NCAN: variants seen among roughly 807,000 people sequenced by gnomAD.
The protein encoded by NCAN is neurocan.
NCAN carries 47 observed loss-of-function variants against 121.8 expected under a neutral mutation model. That is an observed-to-expected ratio of 0.39 (90% confidence interval 0.31 to 0.49). The LOEUF is 0.49. NCAN is among the 20% of genes least tolerant of loss of function. The pLI, the probability that NCAN is intolerant of heterozygous loss-of-function variation, is 0.92. For missense variants in NCAN, 1,517 were observed against 1,773.4 expected, an observed-to-expected ratio of 0.86 and a Z score of 2.60; for synonymous variants, 633 against 702.0, an observed-to-expected ratio of 0.90 and a Z score of 1.55.
intron 13 of NCAN, 84 bp from the exon 14 acceptor site, chr19:19,248,616 C>G (rs2060934557): frequency 3.5e-6 from 5 of 1,423,306 alleles, no homozygotes; most frequent in Non-Finnish European, 3.9e-6. Context: ...CAGAGCGAAA[C>G]TCTGTCTCAA....
chr19:19,240,754 C>T (rs1359897529), intron 12 of NCAN, 69 bp downstream of exon 12: 2 of 1,511,938 alleles, frequency 1.3e-6, no homozygotes, highest in African/African-American at 2.7e-5. Context: ...CTCAGTTTAC[C>T]CTTTTGTGCA....
intron 1 of NCAN, among the ~76,000 whole-genome samples, chr19:19,216,428 C>T (rs1052751760): frequency 8.5e-5 from 13 of 152,060 alleles, no homozygotes; most frequent in African/African-American, 3.1e-4. Flanking sequence ...TCTCCTGCCT[C>T]AGCCTCCTGA....
chr19:19,236,753 G>T (rs2146550781), intron 10 of NCAN, among the ~76,000 whole-genome samples: 1 of 149,040 alleles, frequency 6.7e-6, no homozygotes, highest in Admixed American at 6.7e-5. Flanking sequence ...TTTGAAACAG[G>T]TTCTCACTCT....
chr19:19,225,353 G>GGA lies in NCAN; in HGVS notation c.1072+88_1072+89dup. ...TCCCTGAAAGCCTCGCCAAGCCAAG[G>GGA]GAGAGACACATGGAAGCTCGCTTTG... On this transcript the variant is annotated intron_variant, in intron 6 of 14. Coordinates refer to ENST00000252575, the MANE Select transcript of NCAN (RefSeq NM_004386.3). The surrounding 1 kb of genome is among the most constrained non-coding windows in gnomAD (Gnocchi z 4.0). 1 of 1,403,968 alleles carries GGA rather than the reference G, an allele frequency of 7.1e-7. No individual in the cohort carries two copies. The highest frequency in any genetic ancestry group is 2.9e-5 in the East Asian group (1 of 34,808). 87.0% of individuals were successfully genotyped at this position (1,403,968 alleles called of 1,614,324 possible).
At chr19:19,242,712 A>C (rs2060908372) in intron 12 of NCAN, among the ~76,000 whole-genome samples, 1 of 152,120 alleles carries the variant, frequency 6.6e-6, no homozygotes, top group Non-Finnish European at 1.5e-5. Context: ...ACAAACAAAA[A>C]CTTGTACATG....
In NCAN at chr19:19,218,200, C is replaced by T. The variant is rs183852119; in HGVS notation, c.74-715C>T. Among the ~76,000 whole-genome samples, 300 of 151,782 alleles carry T rather than the reference C, an allele frequency of 2.0e-3. 1 individual carries two copies. Among genetic ancestry groups the T allele is most frequent in the African/African-American group, 6.9e-3 (285 of 41,392 alleles). ...GGCTGAGGCAGGAGAATTGCTTGAACTTAGGAGGCAGAGGTTGCAGTGAGC... is the reference window on the plus strand; with the variant it reads ...GGCTGAGGCAGGAGAATTGCTTGAATTTAGGAGGCAGAGGTTGCAGTGAGC... On this transcript the variant is annotated intron_variant, in intron 2 of 14. Coordinates refer to ENST00000252575, the MANE Select transcript of NCAN (RefSeq NM_004386.3).
At chr19:19,231,228 A>G (rs542105904) in intron 8 of NCAN, among the ~76,000 whole-genome samples, 2 of 152,024 alleles carry the variant, frequency 1.3e-5, no homozygotes, top group East Asian at 3.9e-4. Flanking sequence ...TACTTTGCAG[A>G]TAGGGAGACA....
At chr19:19,224,492 TCCC>T in intron 5 of NCAN, 59 bp downstream of exon 5, 1 of 1,573,712 alleles carries the variant, frequency 6.4e-7, no homozygotes, top group Non-Finnish European at 8.6e-7. Flanking sequence ...TCTATTATTC[TCCC>T]CAACTCCCAT....
In NCAN at chr19:19,225,347, G is replaced by A; in HGVS notation, c.1072+77G>A. 1 of 1,417,326 alleles carries A rather than the reference G, an allele frequency of 7.1e-7. No homozygotes were observed. The allele number at this position is 1,417,326 out of a possible 1,614,324, so 87.8% of individuals were successfully genotyped here. On this transcript the variant is annotated intron_variant, in intron 6 of 14. Coordinates refer to ENST00000252575, the MANE Select transcript of NCAN (RefSeq NM_004386.3). The surrounding 1 kb of genome is among the most constrained non-coding windows in gnomAD (Gnocchi z 4.0). The stretch of plus-strand genomic sequence containing the variant: ...GCCACGTCCCTGAAAGCCTCGCCAA[G>A]CCAAGGGAGAGACACATGGAAGCTC...
chr19:19,225,280 T>TAG lies in NCAN; in HGVS notation c.1072+10_1072+11insAG, dbSNP rs1378254608. On this transcript the variant is annotated intron_variant, in intron 6 of 14. Transcript: ENST00000252575. This position sits in a 1 kb window ranked among gnomAD's most constrained non-coding sequence, Gnocchi z 4.0. ...GCCTACTGCTTCCGAGGTGCGTGCGTCCCCTGGTGGCCGCGCCCCCAGGGC... is the reference window on the plus strand; with the variant it reads ...GCCTACTGCTTCCGAGGTGCGTGCGTAGCCCCTGGTGGCCGCGCCCCCAGGGC... 98 of 1,513,856 alleles carry TAG rather than the reference T, an allele frequency of 6.5e-5. 1 individual carries two copies. The East Asian group carries it at 2.5e-3, about 38-fold the overall frequency. 93.8% of individuals were successfully genotyped at this position (1,513,856 alleles called of 1,614,324 possible).
At position 19,240,647 on chromosome 19, in the gene NCAN, G is replaced by T; in HGVS notation, c.3454G>T (p.Val1152Leu). 1 of 1,614,078 alleles carries T rather than the reference G, an allele frequency of 6.2e-7. No homozygotes were observed. Among genetic ancestry groups the T allele is most frequent in the Non-Finnish European group, 8.5e-7 (1 of 1,180,036 alleles). ...NTWIGLNDRI[V>L]ERDFQWTDNT... is the part of the protein sequence containing the mutation. ...GTGGATCGGCCTGAACGACAGGATC[G>T]TGGAGAGAGATTTCCAGTGGACGGA... is the stretch of plus-strand genomic sequence containing the variant. The change falls in exon 12 of 15, where the codon GTG (valine) becomes TTG (leucine). Residue 1152 changes from valine (V) to leucine (L), a missense_variant. Physicochemically the swap from Val to Leu is conservative, Grantham distance 32. Transcript: ENST00000252575.
chr19:19,244,926 G>C (rs918603405), intron 12 of NCAN, among the ~76,000 whole-genome samples: 7 of 151,686 alleles, frequency 4.6e-5, no homozygotes, highest in Admixed American at 1.3e-4. Flanking sequence ...TGACCAGGCT[G>C]GTCTTGAACT....
At chr19:19,218,812 T>C (rs1344445286) in intron 2 of NCAN, 103 bp from the exon 3 acceptor site, 1 of 1,228,962 alleles carries the variant, frequency 8.1e-7, no homozygotes, top group African/African-American at 1.6e-5. Context: ...AGGTTCAAAT[T>C]CTGGCTCAGC....
In NCAN at chr19:19,213,624, G is replaced by A. The variant is rs192299970; in HGVS notation, c.-8+1560G>A. Reference sequence around the variant, plus strand: ...TGTCACTGTGAATCTGTGTGAGTGTGTGTTTCCCCAGGGTCTGTGTCTGGG... The same window carrying A: ...TGTCACTGTGAATCTGTGTGAGTGTATGTTTCCCCAGGGTCTGTGTCTGGG... On this transcript the variant is annotated intron_variant, in intron 1 of 14. Transcript: ENST00000252575. Among the ~76,000 whole-genome samples, 992 of 152,102 alleles carry A rather than the reference G, an allele frequency of 6.5e-3. 50 individuals carry two copies. Among genetic ancestry groups the A allele is most frequent in the Admixed American group, 0.058 (886 of 15,260 alleles).
chr19:19,237,456 T>C (rs1457560396), intron 10 of NCAN, among the ~76,000 whole-genome samples: 1 of 149,420 alleles, frequency 6.7e-6, no homozygotes, highest in Non-Finnish European at 1.5e-5. Flanking sequence ...ACCATTACAC[T>C]CCAGCCTGGG....
chr19:19,250,086 A>G lies in NCAN; in HGVS notation c.*175A>G. 1 of 778,082 alleles carries G rather than the reference A, an allele frequency of 1.3e-6. No individual in the cohort carries two copies. The highest frequency in any genetic ancestry group is 2.7e-5 in the East Asian group (1 of 37,154). 48.2% of individuals were successfully genotyped at this position (778,082 alleles called of 1,614,324 possible). A position where few individuals can be genotyped will look rare whatever the true frequency, so the allele number is the denominator to read the frequency against. On this transcript the variant is annotated 3_prime_UTR_variant, in exon 15 of 15. Transcript: ENST00000252575. ...TCCTCTTTTCCCTTTTTTTACATAC[A>G]CAAGATCCTCTTGGCAGGTGGAGCC...
intron 8 of NCAN, among the ~76,000 whole-genome samples, chr19:19,231,617 C>T (rs935776515): frequency 1.3e-5 from 2 of 152,056 alleles, no homozygotes; most frequent in African/African-American, 2.4e-5. Context: ...CGTGAGCCAC[C>T]GCACCTGGCC....
rs369767888 is a variant in NCAN at position 19,228,257 on chromosome 19, G to A, written c.2637G>A (p.Gly879=). The A allele has an allele frequency of 2.9e-5, 47 of 1,613,830 alleles. No individual in the cohort carries two copies. Among genetic ancestry groups the A allele is most frequent in the Non-Finnish European group, 4.0e-5 (47 of 1,180,034 alleles). Residue 879 remains glycine, a synonymous_variant, in exon 8 of 15, where the codon GGG becomes GGA. Transcript: ENST00000252575. ...IVTPLTTLEQ[G]DKVGVPAMST... is the part of the protein sequence containing the mutation. Reference sequence around the variant, plus strand: ...CGCCCCTCACGACCCTGGAGCAGGGGGACAAGGTTGGAGTTCCAGCCATGT... The same window carrying A: ...CGCCCCTCACGACCCTGGAGCAGGGAGACAAGGTTGGAGTTCCAGCCATGT...
At chr19:19,219,859 TAA>T (rs35998446) in intron 3 of NCAN, among the ~76,000 whole-genome samples, 6,117 of 128,118 alleles carry the variant, frequency 0.048, 214 homozygotes, top group East Asian at 0.14. Context: ...ACCCCGTCTT[TAA>T]AAAAAAAAAA....
Sources: allele counts gnomAD v4.1 joint callset (sites outside exome capture counted in the v4.1 genomes callset), GRCh38; gene constraint gnomAD v4.1.1; non-coding constraint Gnocchi (gnomAD v3.1); transcripts MANE v1.5; gene names NCBI Gene and HGNC (gene_info 2026-07-23, HGNC 2026-07-21).